The following ARSG variants were observed in gnomAD, a reference collection of about 807,000 sequenced individuals.
The protein encoded by ARSG is arylsulfatase G, also known as ASG.
In ARSG, 37 loss-of-function variants were observed where a neutral mutation model predicts 50.5. The ratio of observed to expected loss-of-function variants is 0.73; its 90% CI spans 0.56 to 0.96. The LOEUF is 0.96. Ranked by LOEUF, ARSG falls within the 50% of genes least tolerant of loss-of-function variation. The probability of loss-of-function intolerance (pLI) is 0.00; values close to 1 mark genes in which losing one functional copy is unlikely to be tolerated. For missense variants in ARSG, 629 were observed against 675.3 expected (o/e 0.93, Z 0.76); for synonymous variants, 225 against 254.6 (o/e 0.88, Z 1.11).
chr17:68,370,989 AG>A (rs1285595657), intron 8 of ARSG, among the ~76,000 whole-genome samples: 2 of 152,206 alleles, frequency 1.3e-5, no homozygotes, highest in East Asian at 3.9e-4. Context: ...TACAAGAGTG[AG>A]AGGGTGGCAG....
At chr17:68,406,683 G>C (rs963653460) in intron 11 of ARSG, among the ~76,000 whole-genome samples, 2 of 151,982 alleles carry the variant, frequency 1.3e-5, no homozygotes, top group African/African-American at 2.4e-5. Context: ...TACTTTTGAG[G>C]CTTGTCTATT....
chr17:68,367,476 G>A lies in ARSG; in HGVS notation c.705-1072G>A, dbSNP rs192341358. Among the ~76,000 whole-genome samples the A allele has an allele frequency of 3.1e-3, 475 of 152,242 alleles. 2 individuals carry two copies. Among genetic ancestry groups the A allele is most frequent in the Non-Finnish European group, 5.0e-3 (339 of 68,010 alleles). On this transcript the variant is annotated intron_variant, in intron 6 of 11. Coordinates refer to ENST00000621439, the MANE Select transcript of ARSG (RefSeq NM_001267727.2). This position sits in a 1 kb window ranked among gnomAD's most constrained non-coding sequence, Gnocchi z 4.5. ...CTGTACTCTCCCAATACCCTTGTTT[G>A]GTGTCCTCTGAAAGACCCCCCATGG...
intron 1 of ARSG, among the ~76,000 whole-genome samples, chr17:68,283,358 A>G (rs1218688371): frequency 6.6e-6 from 1 of 152,004 alleles, no homozygotes; most frequent in African/African-American, 2.4e-5. Context: ...GTCTCTACTA[A>G]AAATACAAAA....
chr17:68,334,233 G>T (rs2077911788), intron 2 of ARSG, among the ~76,000 whole-genome samples: 1 of 152,162 alleles, frequency 6.6e-6, no homozygotes, highest in Admixed American at 6.5e-5. Context: ...ATCTCACAGT[G>T]CAATTTCACT....
intron 10 of ARSG, among the ~76,000 whole-genome samples, chr17:68,400,779 A>C (rs762052545): frequency 3.9e-5 from 6 of 152,204 alleles, no homozygotes; most frequent in Non-Finnish European, 7.3e-5. Flanking sequence ...CAAATTACAT[A>C]GCAGGTTTCA....
intron 5 of ARSG, among the ~76,000 whole-genome samples, chr17:68,353,022 C>T (rs535997311): frequency 1.7e-4 from 26 of 152,082 alleles, no homozygotes; most frequent in African/African-American, 5.8e-4. Context: ...AGTCTCAGCT[C>T]GTCTATCTAT....
chr17:68,320,420 G>A (rs1481624005), intron 2 of ARSG, among the ~76,000 whole-genome samples: 1 of 152,110 alleles, frequency 6.6e-6, no homozygotes, highest in Admixed American at 6.6e-5. Flanking sequence ...TGAAGGGAGA[G>A]GAGAGTGTTG....
chr17:68,365,329 A>G (rs2079496227), intron 6 of ARSG, among the ~76,000 whole-genome samples: 2 of 152,200 alleles, frequency 1.3e-5, no homozygotes, highest in African/African-American at 4.8e-5. Flanking sequence ...AAAAACAACA[A>G]CAAAATAAGC....
chr17:68,403,731 T>C (rs1230537129), intron 11 of ARSG, among the ~76,000 whole-genome samples: 2 of 152,224 alleles, frequency 1.3e-5, no homozygotes, highest in Non-Finnish European at 2.9e-5. Context: ...TATTATACTT[T>C]AAGTTCTAGG....
the ARSG span, chr17:68,436,309 C>T: frequency 1.4e-6 from 2 of 1,413,238 alleles, no homozygotes; most frequent in East Asian, 4.6e-5. Context: ...GGCAGGGCGT[C>T]CTTATCTATC....
chr17:68,397,754 TTTTAA>T (rs983254570), intron 10 of ARSG, among the ~76,000 whole-genome samples: 2 of 151,966 alleles, frequency 1.3e-5, no homozygotes, highest in Non-Finnish European at 2.9e-5. Context: ...GCATGTTTTG[TTTTAA>T]TTTAATTTAA....
intron 2 of ARSG, among the ~76,000 whole-genome samples, chr17:68,334,947 G>C (rs1235041968): frequency 2.6e-5 from 4 of 152,170 alleles, no homozygotes; most frequent in African/African-American, 4.8e-5. Flanking sequence ...AGGGGACATA[G>C]ACCCCACCTC....
intron 2 of ARSG, among the ~76,000 whole-genome samples, chr17:68,326,542 A>G (rs946281862): frequency 4.6e-5 from 7 of 152,156 alleles, no homozygotes; most frequent in Admixed American, 4.6e-4. Context: ...GCCCATGCCT[A>G]TAGTCCCAGC....
chr17:68,274,252 G>C, intron 1 of ARSG: 1 of 542,704 alleles, frequency 1.8e-6, no homozygotes, highest in Non-Finnish European at 3.2e-6. Context: ...GATCGCTTGA[G>C]CCCAGGAGTT....
intron 2 of ARSG, among the ~76,000 whole-genome samples, chr17:68,319,401 G>A (rs1381535191): frequency 6.6e-6 from 1 of 152,150 alleles, no homozygotes; most frequent in Non-Finnish European, 1.5e-5. Context: ...ATCATGTCAT[G>A]CCCACCTTTC....
intron 8 of ARSG, among the ~76,000 whole-genome samples, chr17:68,376,940 A>C (rs2080180421): frequency 6.6e-6 from 1 of 151,908 alleles, no homozygotes; most frequent in Admixed American, 6.6e-5. Flanking sequence ...GCTCACTGCA[A>C]ACTCCACCTT....
intron 11 of ARSG, among the ~76,000 whole-genome samples, chr17:68,403,945 G>A (rs961646390): frequency 2.0e-5 from 3 of 151,988 alleles, no homozygotes; most frequent in African/African-American, 4.8e-5. Flanking sequence ...ACCTATGAGT[G>A]AGAACATGTG....
chr17:68,399,070 C>T lies in ARSG; in HGVS notation c.1213-2290C>T, dbSNP rs1452808726. 1.3e-5 allele frequency among the ~76,000 whole-genome samples: 2 copies of T among 152,202 alleles called. No homozygotes were observed. Among genetic ancestry groups the T allele is most frequent in the Non-Finnish European group, 2.9e-5 (2 of 68,028 alleles). On this transcript the variant is annotated intron_variant, in intron 10 of 11. Coordinates refer to ENST00000621439, the MANE Select transcript of ARSG (RefSeq NM_001267727.2). The surrounding 1 kb of genome is among the most constrained non-coding windows in gnomAD (Gnocchi z 4.6). ...GGTCCAGAAATTGTCAACGAAGGAA[C>T]GTTTCCCCTAACAGCTCTGCATCTG...
intron 1 of ARSG, among the ~76,000 whole-genome samples, chr17:68,270,379 C>T (rs1253656927): frequency 1.3e-5 from 2 of 152,022 alleles, no homozygotes; most frequent in Admixed American, 1.3e-4. Flanking sequence ...CATGGTGAAA[C>T]CCCATCTCTA....
Sources: gnomAD v4.1 joint callset for allele counts (sites outside exome capture counted in the v4.1 genomes callset) on GRCh38, gnomAD v4.1.1 for gene constraint, Gnocchi (gnomAD v3.1) non-coding constraint, MANE v1.5 for transcripts, NCBI Gene and HGNC (gene_info 2026-07-23, HGNC 2026-07-21) for gene names.